CCT6B: variants seen among roughly 807,000 people sequenced by gnomAD.
CCT6B encodes the protein probable T-complex protein 1 subunit zeta-2.
A neutral mutation model predicts 61.5 loss-of-function variants in CCT6B; 49 were observed. That is an observed-to-expected ratio of 0.80 (90% CI 0.63 to 1.01). CCT6B has a LOEUF of 1.01. CCT6B is among the 50% of genes least tolerant of loss of function. CCT6B has a pLI of 0.00. For missense variants in CCT6B, 666 were observed against 634.7 expected, an observed-to-expected ratio of 1.05 and a Z score of -0.53; for synonymous variants, 228 against 214.5, an observed-to-expected ratio of 1.06 and a Z score of -0.55.
chr17:34,934,738 T>TA (rs1429357850), intron 10 of CCT6B, among the ~76,000 whole-genome samples: 1 of 152,046 alleles, frequency 6.6e-6, no homozygotes, highest in Non-Finnish European at 1.5e-5. Context: ...AAGAAAGAAA[T>TA]AATACAAATA....
intron 12 of CCT6B, among the ~76,000 whole-genome samples, chr17:34,930,179 G>A (rs1258952695): frequency 6.6e-6 from 1 of 152,172 alleles, no homozygotes; most frequent in Non-Finnish European, 1.5e-5. Flanking sequence ...GGCTGAGGCA[G>A]GAGAATTGCT....
intron 5 of CCT6B, among the ~76,000 whole-genome samples, chr17:34,944,667 C>T (rs2142158592): frequency 6.6e-6 from 1 of 152,388 alleles, no homozygotes; most frequent in African/African-American, 2.4e-5. Flanking sequence ...CGGCTCACGC[C>T]TGTAATCCCA....
At chr17:34,961,130 G>T in intron 1 of CCT6B, 127 bp downstream of exon 1, 1 of 1,204,660 alleles carries the variant, frequency 8.3e-7, no homozygotes, top group Non-Finnish European at 1.1e-6. Context: ...CCCCAGAGCA[G>T]GGATGAGAAT....
At chr17:34,932,835 G>A (rs544471569) in intron 10 of CCT6B, among the ~76,000 whole-genome samples, 1 of 152,118 alleles carries the variant, frequency 6.6e-6, no homozygotes, top group East Asian at 1.9e-4. Context: ...AGGCTGTACT[G>A]TAGTGGCATG....
chr17:34,955,333 A>G (rs184455014), intron 3 of CCT6B, among the ~76,000 whole-genome samples: 2 of 152,358 alleles, frequency 1.3e-5, no homozygotes, highest in Admixed American at 6.5e-5. Context: ...TAATGTATCA[A>G]TGTGTTAATG....
intron 5 of CCT6B, among the ~76,000 whole-genome samples, chr17:34,948,590 C>G (rs1029374842): frequency 6.6e-6 from 1 of 151,620 alleles, no homozygotes; most frequent in Admixed American, 6.6e-5. Flanking sequence ...GGCACATGCC[C>G]GCAATACCAG....
intron 11 of CCT6B, among the ~76,000 whole-genome samples, 185 bp downstream of exon 11, chr17:34,932,182 A>G (rs2090042830): frequency 6.6e-6 from 1 of 152,224 alleles, no homozygotes; most frequent in Non-Finnish European, 1.5e-5. Flanking sequence ...GAGATCGTGC[A>G]AGGATCCTGG....
intron 4 of CCT6B, 103 bp downstream of exon 4, chr17:34,954,323 G>A (rs59136309): frequency 0.028 from 22,785 of 822,336 alleles, 512 homozygotes; most frequent in East Asian, 0.085. Flanking sequence ...CATATTTTAT[G>A]CCCAAAAAAC....
intron 3 of CCT6B, among the ~76,000 whole-genome samples, chr17:34,956,150 G>A (rs1194171167): frequency 1.3e-5 from 2 of 152,110 alleles, no homozygotes; most frequent in Non-Finnish European, 2.9e-5. Flanking sequence ...CATACTACAT[G>A]CCCTCTGATC....
chr17:34,959,628 T>G lies in CCT6B; in HGVS notation c.160A>C (p.Ile54Leu). The G allele has an allele frequency of 1.9e-6, 3 of 1,612,852 alleles. No homozygotes were observed. Among genetic ancestry groups the G allele is most frequent in the Non-Finnish European group, 2.5e-6 (3 of 1,178,866 alleles). ...MKMLVSGAGD[I>L]KLTKDGNVLL... The stretch of plus-strand genomic sequence containing the variant: ...ACATTGCCATCTTTGGTGAGTTTGA[T>G]GTCACCTGCACCAGAAACAAGCCTG... The change falls in exon 2 of 14, where the codon ATC becomes CTC. Residue 54 changes from isoleucine to leucine, a missense_variant. Physicochemically the swap from Ile to Leu is conservative, Grantham distance 5. Coordinates refer to ENST00000314144, the MANE Select transcript of CCT6B (RefSeq NM_006584.4).
At chr17:34,947,083 T>C (rs1017813366) in intron 5 of CCT6B, among the ~76,000 whole-genome samples, 13 of 152,206 alleles carry the variant, frequency 8.5e-5, no homozygotes, top group Admixed American at 8.5e-4. Flanking sequence ...AGAGTAGACA[T>C]TGTTTAAGAG....
In CCT6B at chr17:34,939,708, G is replaced by C; in HGVS notation, c.974C>G (p.Ser325Cys). The C allele has an allele frequency of 6.2e-7, 1 of 1,607,368 alleles. No homozygotes were observed. Among genetic ancestry groups the C allele is most frequent in the Non-Finnish European group, 8.5e-7 (1 of 1,174,008 alleles). ...CACGGCCATTCCACCACAAGCAAGA[G>C]AGAGTCTGAAATTACATATATGTCA... is the stretch of plus-strand genomic sequence containing the variant. ...RAKRRNMERL[S>C]LACGGMAVNS... Residue 325 changes from serine (S) to cysteine (C), a missense_variant, in exon 9 of 14, where the codon TCT becomes TGT. Coordinates refer to ENST00000314144, the MANE Select transcript of CCT6B (RefSeq NM_006584.4).
intron 5 of CCT6B, among the ~76,000 whole-genome samples, chr17:34,945,239 T>C (rs778091020): frequency 2.0e-4 from 31 of 152,330 alleles, no homozygotes; most frequent in Non-Finnish European, 3.7e-4. Flanking sequence ...CTTTAAGTCA[T>C]TTATACACTA....
chr17:34,939,622 TATACTC>T lies in CCT6B; in HGVS notation c.1054_1059del (p.Glu352_Tyr353del), dbSNP rs1470617587. 7 of 1,589,048 alleles carry T rather than the reference TATACTC, an allele frequency of 4.4e-6. No homozygotes were observed. The highest frequency in any genetic ancestry group is 6.0e-6 in the Non-Finnish European group (7 of 1,157,302). On this transcript the variant is annotated inframe_deletion, in exon 9 of 14. Transcript: ENST00000314144. ...CTGTTCATAGAAATACTCACTAATG[TATACTC>T]ATACACAAGACCAGCATGTCCCAAG...
Position 34,928,056 on chromosome 17 carries a change from G to A in CCT6B, c.1585C>T (p.Leu529Phe), listed in dbSNP as rs2089988271. ...DEIMRAGMSS[L>F]K ...GATTTTGAATTCAATCATCATTTGA[G>A]AGAAGACATCCCAGCTCGCATAATT... The change falls in exon 14 of 14, where the codon CTC becomes TTC. Residue 529 changes from leucine (L) to phenylalanine (F), a missense_variant. Leu to Phe is a conservative substitution (Grantham distance 22). Coordinates refer to ENST00000314144, the MANE Select transcript of CCT6B (RefSeq NM_006584.4). 1 of 1,609,576 alleles carries A rather than the reference G, an allele frequency of 6.2e-7. No homozygotes were observed. Among genetic ancestry groups the A allele is most frequent in the African/African-American group, 1.3e-5 (1 of 74,654 alleles).
chr17:34,958,200 C>T lies in CCT6B; in HGVS notation c.336+360G>A, dbSNP rs533076156. Among the ~76,000 whole-genome samples, 124 of 152,166 alleles carry T rather than the reference C, an allele frequency of 8.1e-4. 1 individual carries two copies. Among genetic ancestry groups the T allele is most frequent in the African/African-American group, 2.6e-3 (110 of 41,532 alleles). ...GGCTCATGCCTGTAATCCCAGCACT[C>T]TGGGAGGCCCAGGCAGGTGGATCAC... On this transcript the variant is annotated intron_variant, in intron 3 of 13. Transcript: ENST00000314144.
intron 11 of CCT6B, 110 bp from the exon 12 acceptor site, chr17:34,931,161 C>A: frequency 3.5e-6 from 1 of 286,982 alleles, no homozygotes; most frequent in South Asian, 1.0e-4. Context: ...CATAACATGG[C>A]AATCATCTCC....
Position 34,954,423 on chromosome 17 carries a change from T to C in CCT6B, c.510+3A>G, listed in dbSNP as rs1425834318. The C allele has an allele frequency of 1.9e-6, 3 of 1,595,124 alleles. No homozygotes were observed. Among genetic ancestry groups the C allele is most frequent in the Non-Finnish European group, 8.5e-7 (1 of 1,173,110 alleles). On this transcript the variant is annotated splice_donor_region_variant and intron_variant, in intron 4 of 13. Coordinates refer to ENST00000314144, the MANE Select transcript of CCT6B (RefSeq NM_006584.4). ...TTCTGAATGCAAAAGTTTAATAACA[T>C]ACCTCTGTTAAGACATCAGCCAGTT... is the stretch of plus-strand genomic sequence containing the variant.
At chr17:34,943,412 C>T (rs1029052942) in intron 5 of CCT6B, 1 of 152,112 alleles carries the variant, frequency 6.6e-6, no homozygotes, top group Non-Finnish European at 1.5e-5. Context: ...AAATTGTTAA[C>T]CTAAATGTCC....
Sources: allele counts gnomAD v4.1 joint callset (sites outside exome capture counted in the v4.1 genomes callset), GRCh38; gene constraint gnomAD v4.1.1; transcripts MANE v1.5; gene names NCBI Gene and HGNC (gene_info 2026-07-23, HGNC 2026-07-21).